KLF7: variants seen among roughly 807,000 people sequenced by gnomAD.
The protein encoded by KLF7 is Krueppel-like factor 7.
Under a neutral mutation model 27.3 loss-of-function variants are expected in KLF7, and 2 were observed. The ratio of observed to expected loss-of-function variants is 0.07; its 90% CI spans 0.03 to 0.23. The LOEUF (loss-of-function observed/expected upper bound fraction) is 0.23, where lower values mean the gene tolerates loss of function less well. KLF7 is among the 10% of genes least tolerant of loss of function. KLF7 has a pLI of 1.00. For missense variants in KLF7, 221 were observed against 394.1 expected, an observed-to-expected ratio of 0.56 and a Z score of 3.72; for synonymous variants, 165 against 162.4, an observed-to-expected ratio of 1.02 and a Z score of -0.12.
intron 1 of KLF7, among the ~76,000 whole-genome samples, chr2:207,157,922 G>A (rs1274134850): frequency 3.9e-5 from 6 of 152,254 alleles, no homozygotes; most frequent in Admixed American, 6.6e-5. Flanking sequence ...GAAGCAGTCC[G>A]TGGAAGAAGT....
chr2:207,082,321 G>C (rs2076291038), intron 3 of KLF7, among the ~76,000 whole-genome samples: 1 of 152,184 alleles, frequency 6.6e-6, no homozygotes, highest in Non-Finnish European at 1.5e-5. Context: ...GGATCCTGGA[G>C]TGACTGGTGT....
intron 2 of KLF7, among the ~76,000 whole-genome samples, chr2:207,095,593 G>A (rs1306385691): frequency 2.6e-5 from 4 of 152,286 alleles, no homozygotes; most frequent in Middle Eastern, 3.4e-3. Context: ...AGCAACGAGC[G>A]CTTGAAATGT....
At chr2:207,110,133 T>C (rs2076988893) in intron 2 of KLF7, 1 of 154,788 alleles carries the variant, frequency 6.5e-6, no homozygotes, top group South Asian at 2.0e-4. Context: ...AATTCACAGC[T>C]CCTGACAAAA....
chr2:207,159,625 T>A (rs984408681), intron 1 of KLF7, among the ~76,000 whole-genome samples: 1 of 152,214 alleles, frequency 6.6e-6, no homozygotes. Context: ...ATATTTTCTA[T>A]ACTTGAATAT....
At chr2:207,117,889 C>T (rs2077231978) in intron 2 of KLF7, among the ~76,000 whole-genome samples, 1 of 152,150 alleles carries the variant, frequency 6.6e-6, no homozygotes, top group African/African-American at 2.4e-5. Context: ...ATTTACTGCC[C>T]CATCACCACC....
chr2:207,110,045 G>A, intron 2 of KLF7: 1 of 154,960 alleles, frequency 6.5e-6, no homozygotes, highest in African/African-American at 2.4e-5. Flanking sequence ...ATAGCATATT[G>A]TCCATTGTAT....
intron 1 of KLF7, among the ~76,000 whole-genome samples, chr2:207,126,345 C>T (rs1238952139): frequency 1.3e-5 from 2 of 152,160 alleles, no homozygotes; most frequent in East Asian, 1.9e-4. Context: ...CATCACCTAC[C>T]AAGCACAGTG....
chr2:207,142,779 A>G (rs1406791), intron 1 of KLF7, among the ~76,000 whole-genome samples: 49,422 of 152,118 alleles, frequency 0.32, 8,695 homozygotes, highest in African/African-American at 0.44. Context: ...GCAGTCTAGG[A>G]TTCTGATGAA....
intron 2 of KLF7, among the ~76,000 whole-genome samples, chr2:207,117,586 C>T (rs996419757): frequency 1.3e-5 from 2 of 152,106 alleles, no homozygotes; most frequent in African/African-American, 2.4e-5. Context: ...TTAAAATCGC[C>T]CCATTTCAGT....
intron 1 of KLF7, among the ~76,000 whole-genome samples, chr2:207,138,206 G>T (rs188824770): frequency 6.6e-6 from 1 of 152,294 alleles, no homozygotes; most frequent in East Asian, 1.9e-4. Context: ...CCATGCAAAG[G>T]AGAAATCCCA....
intron 1 of KLF7, among the ~76,000 whole-genome samples, chr2:207,126,252 G>A (rs114656692): frequency 0.014 from 2,119 of 152,202 alleles, 52 homozygotes; most frequent in African/African-American, 0.047. Flanking sequence ...GAAGCCCTCA[G>A]TCTTGGCTCC....
At chr2:207,104,324 A>G (rs113555389) in intron 2 of KLF7, among the ~76,000 whole-genome samples, 407 of 152,170 alleles carry the variant, frequency 2.7e-3, no homozygotes, top group Non-Finnish European at 3.1e-3. Flanking sequence ...AGATACACAT[A>G]TAGCAGAAAA....
chr2:207,125,883 C>G (rs2077463984), intron 1 of KLF7, among the ~76,000 whole-genome samples: 1 of 152,154 alleles, frequency 6.6e-6, no homozygotes, highest in Admixed American at 6.5e-5. Flanking sequence ...TAAACAACCA[C>G]AAGCTAAAAA....
chr2:207,140,878 G>A (rs1423968250), intron 1 of KLF7, among the ~76,000 whole-genome samples: 1 of 152,130 alleles, frequency 6.6e-6, no homozygotes, highest in Non-Finnish European at 1.5e-5. Flanking sequence ...GATCCGTCTT[G>A]GACACCAAAT....
intron 1 of KLF7, among the ~76,000 whole-genome samples, chr2:207,143,635 C>T (rs1287026750): frequency 6.6e-6 from 1 of 152,172 alleles, no homozygotes; most frequent in Admixed American, 6.5e-5. Context: ...CTCAGTGGCT[C>T]GTGGAGGCTC....
rs909326654 is a variant in KLF7, at chr2:207,108,776, G to A, written c.733+14998C>T. On this transcript the variant is annotated intron_variant, in intron 2 of 3. Transcript: ENST00000309446. ...ATTTACCAAGGGTTTTTATTCTTACGACTTCTAACCCATTATAAATATCCT... is the reference window on the plus strand; with the variant it reads ...ATTTACCAAGGGTTTTTATTCTTACAACTTCTAACCCATTATAAATATCCT... Among the ~76,000 whole-genome samples, 9 of 152,064 alleles carry A rather than the reference G, an allele frequency of 5.9e-5. No homozygotes were observed. The South Asian group carries it at 1.2e-3, about 21-fold the overall frequency.
Position 207,159,571 on chromosome 2 carries a change from T to C in KLF7, c.102+5896A>G, listed in dbSNP as rs568525903. On this transcript the variant is annotated intron_variant, in intron 1 of 3. Coordinates refer to ENST00000309446, the MANE Select transcript of KLF7 (RefSeq NM_003709.4). Reference sequence around the variant, plus strand: ...ATTTTGCATTGCCCAAATACAGTATTATGCACATAAAAAGGGCTTAAGGAA... The same window carrying C: ...ATTTTGCATTGCCCAAATACAGTATCATGCACATAAAAAGGGCTTAAGGAA... Among the ~76,000 whole-genome samples the C allele has an allele frequency of 3.9e-5, 6 of 152,318 alleles. No homozygotes were observed. The East Asian group carries it at 9.6e-4, about 24-fold the overall frequency.
At position 207,088,595 on chromosome 2, in the gene KLF7, T is replaced by C. The variant is rs2076442060; in HGVS notation, c.734-14A>G. Reference sequence around the variant, plus strand: ...AAGGCTTCTCACCTGCAAGAAGAGATGGAAGGACCGTGGTCAGCAGCAGGA... The same window carrying C: ...AAGGCTTCTCACCTGCAAGAAGAGACGGAAGGACCGTGGTCAGCAGCAGGA... On this transcript the variant is annotated splice_polypyrimidine_tract_variant and intron_variant, in intron 2 of 3. Coordinates refer to ENST00000309446, the MANE Select transcript of KLF7 (RefSeq NM_003709.4). 2 of 1,612,362 alleles carry C rather than the reference T, an allele frequency of 1.2e-6. No homozygotes were observed. The highest frequency in any genetic ancestry group is 1.3e-5 in the African/African-American group (1 of 75,010).
chr2:207,132,503 C>T (rs13424650), intron 1 of KLF7, among the ~76,000 whole-genome samples: 78,961 of 152,078 alleles, frequency 0.52, 22,321 homozygotes, highest in East Asian at 0.65. Context: ...TATTTGTTTG[C>T]ATATGTTTCC....
Sources: allele counts gnomAD v4.1 joint callset (sites outside exome capture counted in the v4.1 genomes callset), GRCh38; gene constraint gnomAD v4.1.1; transcripts MANE v1.5; gene names NCBI Gene and HGNC (gene_info 2026-07-23, HGNC 2026-07-21).